The following AFAP1L2 variants were observed in gnomAD, a reference collection of about 807,000 sequenced individuals.
The protein encoded by AFAP1L2 is actin filament associated protein 1 like 2, also known as actin filament-associated protein 1-like 2.
A neutral mutation model predicts 99.3 loss-of-function variants in AFAP1L2; 46 were observed. The observed-to-expected ratio is 0.46, with a 90% CI of 0.37 to 0.59. The LOEUF (loss-of-function observed/expected upper bound fraction) is 0.59, where lower values mean the gene tolerates loss of function less well. Ranked by LOEUF, AFAP1L2 falls within the 20% of genes least tolerant of loss-of-function variation. AFAP1L2 has a pLI of 0.00. For missense variants in AFAP1L2, 959 were observed against 1,034.9 expected (o/e 0.93, Z 1.01); for synonymous variants, 397 against 419.1 (o/e 0.95, Z 0.64).
chr10:114,356,028 G>C (rs1002148053), intron 1 of AFAP1L2, among the ~76,000 whole-genome samples: 1 of 152,090 alleles, frequency 6.6e-6, no homozygotes, highest in African/African-American at 2.4e-5. Flanking sequence ...ATAGGTGTGT[G>C]TGCACACCCT....
At chr10:114,340,179 TACAAAAAAAAAAAAA>T (rs2048602960) in intron 2 of AFAP1L2, among the ~76,000 whole-genome samples, 1 of 12,238 alleles carries the variant, frequency 8.2e-5, no homozygotes, top group Non-Finnish European at 2.0e-4. Context: ...AAAAAAAAAA[TACAAAAAAAAAAAAA>T]ATAGCTGGGC....
chr10:114,299,745 A>G (rs944310105), intron 15 of AFAP1L2, among the ~76,000 whole-genome samples: 1 of 152,232 alleles, frequency 6.6e-6, no homozygotes, highest in East Asian at 1.9e-4. Flanking sequence ...CTGGGTGGGC[A>G]CCACCTAATC....
At chr10:114,294,324 T>C (rs1432300554), downstream of AFAP1L2, among the ~76,000 whole-genome samples, 1 of 152,220 alleles carries the variant, frequency 6.6e-6, no homozygotes, top group Non-Finnish European at 1.5e-5. Context: ...TTTACACTGA[T>C]ATATTCATAG....
chr10:114,297,412 G>A lies in AFAP1L2; in HGVS notation c.2115C>T (p.Asp705=). The part of the protein sequence containing the change: ...ELKETLLKCT[D]KEVLASLEQK... ...GCTCCAGGCTCGCCAGGACTTCCTT[G>A]TCTGGAGAGAGAATTATGCAGGTGT... Residue 705 remains aspartate, a splice_region_variant and synonymous_variant, in exon 17 of 19, where the codon GAC becomes GAT. Coordinates refer to ENST00000304129, the MANE Select transcript of AFAP1L2 (RefSeq NM_001001936.3). The A allele has an allele frequency of 1.2e-6, 2 of 1,612,044 alleles. No homozygotes were observed. Among genetic ancestry groups the A allele is most frequent in the Non-Finnish European group, 8.5e-7 (1 of 1,179,776 alleles).
intron 13 of AFAP1L2, 138 bp downstream of exon 13, chr10:114,301,216 C>T: frequency 1.5e-6 from 1 of 672,642 alleles, no homozygotes; most frequent in Non-Finnish European, 2.6e-6. Flanking sequence ...TAGGTGTCTG[C>T]ACTACTGGCC....
the AFAP1L2 span, among the ~76,000 whole-genome samples, chr10:114,288,305 G>T: frequency 6.6e-6 from 1 of 152,136 alleles, no homozygotes; most frequent in African/African-American, 2.4e-5. Flanking sequence ...CCACGCTGCC[G>T]ACATCATTTG....
intron 2 of AFAP1L2, among the ~76,000 whole-genome samples, chr10:114,339,524 GGGCCCA>G (rs2135866477): frequency 6.6e-6 from 1 of 152,290 alleles, no homozygotes; most frequent in South Asian, 2.1e-4. Flanking sequence ...TCTGGGGCTC[GGGCCCA>G]ACTCGGGTCA....
intron 1 of AFAP1L2, among the ~76,000 whole-genome samples, chr10:114,367,933 AT>A (rs1207769264): frequency 1.3e-5 from 2 of 152,220 alleles, no homozygotes; most frequent in Non-Finnish European, 2.9e-5. Context: ...ACATGAACAC[AT>A]TAATGTACAC....
rs148269431 is a variant in AFAP1L2 at position 114,298,092 on chromosome 10, T to G, written c.2114-679A>C. On this transcript the variant is annotated intron_variant, in intron 16 of 18. Coordinates refer to ENST00000304129, the MANE Select transcript of AFAP1L2 (RefSeq NM_001001936.3). ...AAGATTGGAGTTTAAAAAAATACAG[T>G]TCAAGCTGGGTGCGGTGGTTCACGC... is the stretch of plus-strand genomic sequence containing the variant. Among the ~76,000 whole-genome samples the G allele has an allele frequency of 1.7e-3, 252 of 152,226 alleles. 1 individual carries two copies. Among genetic ancestry groups the G allele is most frequent in the African/African-American group, 5.8e-3 (240 of 41,532 alleles).
the AFAP1L2 span, chr10:114,289,002 G>T: frequency 6.2e-7 from 1 of 1,614,204 alleles, no homozygotes; most frequent in East Asian, 2.2e-5. Context: ...TAGGGCCCGA[G>T]AATTTTGCTC....
At chr10:114,291,384 C>A (rs1208287647), downstream of AFAP1L2, 1 of 909,658 alleles carries the variant, frequency 1.1e-6, no homozygotes, top group Non-Finnish European at 1.6e-6. Context: ...GCCAGGACCA[C>A]TATTCTCACT....
the AFAP1L2 span, among the ~76,000 whole-genome samples, chr10:114,285,542 C>T: frequency 6.6e-6 from 1 of 152,180 alleles, no homozygotes; most frequent in Admixed American, 6.5e-5. Context: ...ACCTCACAAC[C>T]CTACCAGAAG....
chr10:114,404,288 C>G, intron 1 of AFAP1L2, 152 bp downstream of exon 1: 7 of 912,152 alleles, frequency 7.7e-6, no homozygotes, highest in Non-Finnish European at 1.2e-5. Context: ...CGCGGCGCCG[C>G]TGTCGCCCCC....
At chr10:114,400,602 C>G (rs10749161) in intron 1 of AFAP1L2, among the ~76,000 whole-genome samples, 65,119 of 147,440 alleles carry the variant, frequency 0.44, 14,338 homozygotes, top group East Asian at 0.56. Context: ...GTGTGAGTAT[C>G]GGGGGGGCAT....
intron 12 of AFAP1L2, chr10:114,302,097 C>T: frequency 3.8e-6 from 2 of 525,332 alleles, no homozygotes; most frequent in East Asian, 3.5e-5. Context: ...GTCTAACTGC[C>T]TCTGAGGATG....
the AFAP1L2 span, chr10:114,284,958 G>A: frequency 6.2e-6 from 10 of 1,600,158 alleles, no homozygotes; most frequent in Non-Finnish European, 8.5e-6. Context: ...CTTTGGAGGG[G>A]AGGCTAACTG....
chr10:114,291,930 C>T (rs1265838742), downstream of AFAP1L2, among the ~76,000 whole-genome samples: 3 of 152,070 alleles, frequency 2.0e-5, 1 homozygote, highest in Non-Finnish European at 4.4e-5. Context: ...CTGGAGGGGC[C>T]ACGTAAAATC....
intron 1 of AFAP1L2, among the ~76,000 whole-genome samples, chr10:114,395,965 C>T (rs1407044434): frequency 2.0e-5 from 3 of 152,190 alleles, no homozygotes; most frequent in African/African-American, 7.2e-5. Flanking sequence ...TCAATGCTTT[C>T]CCCCAACAAA....
intron 1 of AFAP1L2, among the ~76,000 whole-genome samples, chr10:114,358,071 G>C (rs1265912777): frequency 6.6e-6 from 1 of 152,180 alleles, no homozygotes; most frequent in Non-Finnish European, 1.5e-5. Flanking sequence ...ACTTCAAAGT[G>C]AAGTTGAATT....
Sources: allele counts gnomAD v4.1 joint callset (sites outside exome capture counted in the v4.1 genomes callset), GRCh38; gene constraint gnomAD v4.1.1; transcripts MANE v1.5; gene names NCBI Gene and HGNC (gene_info 2026-07-23, HGNC 2026-07-21).